Variants in SHOC2 observed in about 807,000 individuals in gnomAD.
SHOC2 encodes the protein SHOC2 leucine rich repeat scaffold protein, also known as leucine-rich repeat protein SHOC-2.
Under a neutral mutation model 50.2 loss-of-function variants are expected in SHOC2, and 4 were observed. The ratio of observed to expected loss-of-function variants is 0.08; its 90% CI spans 0.04 to 0.18. The LOEUF is 0.18. Ranked by LOEUF, SHOC2 falls within the 10% of genes least tolerant of loss-of-function variation. The pLI is 1.00. For synonymous variants in SHOC2, 218 were observed against 244.5 expected (o/e 0.89, Z 1.01); for missense variants, 388 against 669.6 (o/e 0.58, Z 4.64).
intron 1 of SHOC2, among the ~76,000 whole-genome samples, chr10:110,942,973 CTTTGT>C (rs964412950): frequency 5.9e-5 from 9 of 152,046 alleles, no homozygotes; most frequent in South Asian, 2.1e-4. Flanking sequence ...CTCTTGTTGC[CTTTGT>C]TTTGAGTTTT....
chr10:111,003,396 C>T (rs1285298403), intron 4 of SHOC2, among the ~76,000 whole-genome samples: 1 of 152,154 alleles, frequency 6.6e-6, no homozygotes, highest in Non-Finnish European at 1.5e-5. Context: ...AGCTCACTGT[C>T]AGCTTTCATC....
At chr10:110,966,469 A>C (rs1205152801) in intron 2 of SHOC2, among the ~76,000 whole-genome samples, 1 of 152,122 alleles carries the variant, frequency 6.6e-6, no homozygotes, top group African/African-American at 2.4e-5. Context: ...ATAAATGCTG[A>C]ATTTCTACAT....
At chr10:111,000,328 T>C (rs1848346431) in intron 3 of SHOC2, 87 bp from the exon 4 acceptor site, 4 of 1,342,800 alleles carry the variant, frequency 3.0e-6, no homozygotes, top group Non-Finnish European at 4.2e-6. Flanking sequence ...TGAAGTAATT[T>C]GTAAATAGTT....
At chr10:110,937,063 G>A (rs1247360282) in intron 1 of SHOC2, 1 of 1,487,168 alleles carries the variant, frequency 6.7e-7, no homozygotes. Flanking sequence ...GCTTGCGGAG[G>A]AAAGCCAAGT....
intron 2 of SHOC2, among the ~76,000 whole-genome samples, chr10:110,981,503 C>G (rs1267385856): frequency 6.6e-6 from 1 of 152,110 alleles, no homozygotes; most frequent in Non-Finnish European, 1.5e-5. Context: ...CTTTGTTCAG[C>G]CTTTTTCTTG....
chr10:110,963,312 G>C (rs560077809), intron 1 of SHOC2, among the ~76,000 whole-genome samples: 1 of 152,164 alleles, frequency 6.6e-6, no homozygotes, highest in African/African-American at 2.4e-5. Flanking sequence ...TAAGAACCCT[G>C]TGCCATTGAT....
intron 3 of SHOC2, among the ~76,000 whole-genome samples, chr10:111,000,016 A>G (rs1029040057): frequency 6.6e-6 from 1 of 152,200 alleles, no homozygotes; most frequent in East Asian, 1.9e-4. Flanking sequence ...ACGTGTACAT[A>G]CTTATATATA....
chr10:110,977,382 A>G (rs1445198326), intron 2 of SHOC2, among the ~76,000 whole-genome samples: 1 of 152,000 alleles, frequency 6.6e-6, no homozygotes, highest in Non-Finnish European at 1.5e-5. Context: ...AGTAGCTGAG[A>G]TTAGAAGCAT....
At chr10:111,009,950 G>T in intron 8 of SHOC2, 120 bp downstream of exon 8, 1 of 678,446 alleles carries the variant, frequency 1.5e-6, no homozygotes, top group Admixed American at 2.4e-5. Context: ...TCAGGCTTAA[G>T]ATTTTTTTTT....
chr10:110,929,880 T>C (rs1403977136), intron 1 of SHOC2, among the ~76,000 whole-genome samples: 4 of 152,222 alleles, frequency 2.6e-5, no homozygotes. Context: ...TACATACCAG[T>C]TGGGAATTGT....
In SHOC2 at chr10:111,012,051, T is replaced by C; in HGVS notation, c.*233T>C. Reference sequence around the variant, plus strand: ...TGATGGATGTTTTTCTGTTGTGTAATCTGATATGCCAGTTTGCTTAAAACA... The same window carrying C: ...TGATGGATGTTTTTCTGTTGTGTAACCTGATATGCCAGTTTGCTTAAAACA... On this transcript the variant is annotated 3_prime_UTR_variant, in exon 9 of 9. Coordinates refer to ENST00000369452, the MANE Select transcript of SHOC2 (RefSeq NM_007373.4). 1.9e-6 allele frequency: 1 copy of C among 533,418 alleles called. No homozygotes were observed. Among genetic ancestry groups the C allele is most frequent in the Non-Finnish European group, 3.3e-6 (1 of 300,406 alleles). 33.0% of individuals were successfully genotyped at this position (533,418 alleles called of 1,614,324 possible).
chr10:110,937,931 A>T (rs184100181), intron 1 of SHOC2, among the ~76,000 whole-genome samples: 2 of 152,312 alleles, frequency 1.3e-5, no homozygotes, highest in Admixed American at 1.3e-4. Context: ...TTAGTTTTAG[A>T]GTGCTCATCA....
At chr10:110,995,100 C>G (rs1472160990) in intron 3 of SHOC2, among the ~76,000 whole-genome samples, 3 of 151,922 alleles carry the variant, frequency 2.0e-5, no homozygotes, top group Non-Finnish European at 2.9e-5. Flanking sequence ...TATCTTGTTC[C>G]TAATGGAAAG....
chr10:111,010,479 C>T (rs1328637733), intron 8 of SHOC2, among the ~76,000 whole-genome samples: 1 of 151,992 alleles, frequency 6.6e-6, no homozygotes, highest in Non-Finnish European at 1.5e-5. Flanking sequence ...GGGAATTGAA[C>T]AATGAGAACA....
At chr10:110,934,558 G>A (rs192262090) in intron 1 of SHOC2, among the ~76,000 whole-genome samples, 1 of 152,072 alleles carries the variant, frequency 6.6e-6, no homozygotes. Context: ...TGTACATTAG[G>A]TTATTTCTAA....
chr10:110,963,173 A>G (rs1369500041), intron 1 of SHOC2, among the ~76,000 whole-genome samples: 2 of 152,224 alleles, frequency 1.3e-5, no homozygotes, highest in Admixed American at 6.5e-5. Flanking sequence ...GTCATAAAAT[A>G]AGAATTACTA....
intron 1 of SHOC2, among the ~76,000 whole-genome samples, chr10:110,930,607 T>G (rs1394310428): frequency 6.6e-6 from 1 of 152,144 alleles, no homozygotes; most frequent in Non-Finnish European, 1.5e-5. Context: ...AATAGCCTTT[T>G]TTTTAAAATT....
chr10:110,927,822 A>G (rs1350210130), intron 1 of SHOC2, among the ~76,000 whole-genome samples: 1 of 152,218 alleles, frequency 6.6e-6, no homozygotes, highest in African/African-American at 2.4e-5. Flanking sequence ...GAAATAAATC[A>G]AGTGGTAATG....
Position 110,940,910 on chromosome 10 carries a change from G to GGTTTTTTTTTTTTTTTTT in SHOC2, c.-235+21253_-235+21254insGTTTTTTTTTTTTTTTTT, listed in dbSNP as rs1564705752. On this transcript the variant is annotated intron_variant, in intron 1 of 8. Transcript: ENST00000369452. Reference sequence around the variant, plus strand: ...GACAAAATAGTGGTATTTGTGGTGGGTTTTTTTTTTTTTTTTTTTTTTTTT... The same window carrying GGTTTTTTTTTTTTTTTTT: ...GACAAAATAGTGGTATTTGTGGTGGGGTTTTTTTTTTTTTTTTTTTTTTTTTTTTTTTTTTTTTTTTTT... Among the ~76,000 whole-genome samples the GGTTTTTTTTTTTTTTTTT allele has an allele frequency of 2.5e-5, 3 of 119,504 alleles. 1 individual carries two copies. Among genetic ancestry groups the GGTTTTTTTTTTTTTTTTT allele is most frequent in the African/African-American group, 9.5e-5 (3 of 31,418 alleles). The allele number at this position is 119,504 out of a possible 152,430, so 78.4% of individuals were successfully genotyped here.
Sources: gnomAD v4.1 joint callset for allele counts (sites outside exome capture counted in the v4.1 genomes callset) on GRCh38, gnomAD v4.1.1 for gene constraint, MANE v1.5 for transcripts, NCBI Gene and HGNC (gene_info 2026-07-23, HGNC 2026-07-21) for gene names.